Variants in ZSWIM6 observed in about 807,000 individuals in gnomAD.
The protein encoded by ZSWIM6 is zinc finger SWIM-type containing 6.
ZSWIM6 carries 9 observed loss-of-function variants against 113.2 expected under a neutral mutation model. The observed-to-expected ratio is 0.08, with a 90% CI of 0.05 to 0.14. The LOEUF (loss-of-function observed/expected upper bound fraction) is 0.14. Among genes scored for constraint, ZSWIM6 ranks in the 10% least tolerant of loss-of-function variants. ZSWIM6 has a pLI of 1.00. For missense variants in ZSWIM6, 1,162 were observed against 1,552.2 expected (o/e 0.75, Z 4.22); for synonymous variants, 611 against 606.5 (o/e 1.01, Z -0.11).
Position 61,332,871 on chromosome 5 carries a change from G to A in ZSWIM6, c.599G>A (p.Gly200Asp). The A allele has an allele frequency of 7.9e-7, 1 of 1,267,654 alleles. No individual in the cohort carries two copies. Among genetic ancestry groups the A allele is most frequent in the South Asian group, 1.9e-5 (1 of 53,886 alleles). 78.5% of individuals were successfully genotyped at this position (1,267,654 alleles called of 1,614,324 possible). A position where few individuals can be genotyped will look rare whatever the true frequency, so the allele number is the denominator to read the frequency against. The change falls in exon 1 of 14, where the codon GGC becomes GAC. Residue 200 changes from glycine to aspartate, a missense_variant. By Grantham distance (94) the Gly-to-Asp change is moderately conservative. This residue lies in a region of ZSWIM6 where 333 missense variants were observed against 293.4 expected (regional missense o/e 1.13). Coordinates refer to ENST00000252744, the MANE Select transcript of ZSWIM6 (RefSeq NM_020928.2). ...SVGAAGAADG[G>D]DETRLPFRRG... ...GGGGCTGCCGGGGCGGCGGACGGCG[G>A]CGACGAGACGCGGCTGCCTTTCCGC...
chr5:61,539,611 T>C lies in ZSWIM6; in HGVS notation c.2555T>C (p.Leu852Pro). Residue 852 changes from leucine to proline, a missense_variant, in exon 12 of 14, where the codon CTG becomes CCG. Transcript: ENST00000252744. ...TTCATTGCAGGCGATGTTCGGAGGC[T>C]GGAAACAGTATTAGAATCCATCCAG... ...LTAAKGDVRRLETVLESIQKN... is the reference protein window; with the variant it reads ...LTAAKGDVRRPETVLESIQKN... 1.9e-6 allele frequency: 3 copies of C among 1,551,576 alleles called. No individual in the cohort carries two copies. Among genetic ancestry groups the C allele is most frequent in the Non-Finnish European group, 2.6e-6 (3 of 1,146,814 alleles).
intron 4 of ZSWIM6, among the ~76,000 whole-genome samples, chr5:61,518,801 C>A (rs1749033735): frequency 6.6e-6 from 1 of 152,036 alleles, no homozygotes; most frequent in South Asian, 2.1e-4. Context: ...AATTAGATCC[C>A]ATTTGTCAAT....
chr5:61,370,506 A>G (rs1745243231), intron 1 of ZSWIM6, among the ~76,000 whole-genome samples: 1 of 152,270 alleles, frequency 6.6e-6, no homozygotes, highest in Non-Finnish European at 1.5e-5. Context: ...AGTTATGTGT[A>G]AACATAAATA....
At chr5:61,355,454 ACACACACACACACAC>A (rs1744882183) in intron 1 of ZSWIM6, among the ~76,000 whole-genome samples, 1 of 110,210 alleles carries the variant, frequency 9.1e-6, no homozygotes, top group South Asian at 3.0e-4. Context: ...ACACACACAC[ACACACACACACACAC>A]ACACACACAC....
At chr5:61,389,138 T>G (rs951886251) in intron 1 of ZSWIM6, among the ~76,000 whole-genome samples, 3 of 152,162 alleles carry the variant, frequency 2.0e-5, no homozygotes, top group African/African-American at 7.2e-5. Context: ...TCTGTAGGGC[T>G]TCCTCTCATC....
At chr5:61,434,446 C>T (rs147293305) in intron 1 of ZSWIM6, among the ~76,000 whole-genome samples, 2 of 150,120 alleles carry the variant, frequency 1.3e-5, no homozygotes, top group Non-Finnish European at 3.0e-5. Context: ...CCTCACCCCC[C>T]TTTCACCTTT....
At chr5:61,417,181 C>T (rs1172117177) in intron 1 of ZSWIM6, among the ~76,000 whole-genome samples, 1 of 152,074 alleles carries the variant, frequency 6.6e-6, no homozygotes, top group African/African-American at 2.4e-5. Context: ...TTGTTAGCAT[C>T]TGCCTGTAGA....
At chr5:61,464,594 A>G (rs569314083) in intron 1 of ZSWIM6, among the ~76,000 whole-genome samples, 1 of 152,214 alleles carries the variant, frequency 6.6e-6, no homozygotes, top group East Asian at 1.9e-4. Flanking sequence ...GTGAGGACTC[A>G]TGTTGGGGTG....
chr5:61,375,575 A>C, intron 1 of ZSWIM6: 1 of 1,530,288 alleles, frequency 6.5e-7, no homozygotes, highest in Non-Finnish European at 8.9e-7. Flanking sequence ...TCAGACAGTA[A>C]GGATAGTTTA....
intron 1 of ZSWIM6, among the ~76,000 whole-genome samples, chr5:61,352,209 G>A (rs577350421): frequency 6.6e-6 from 1 of 152,242 alleles, no homozygotes; most frequent in Non-Finnish European, 1.5e-5. Context: ...TGTCATCTTG[G>A]CTCAGAGAAA....
At chr5:61,407,592 T>C (rs912401054) in intron 1 of ZSWIM6, among the ~76,000 whole-genome samples, 3 of 152,188 alleles carry the variant, frequency 2.0e-5, no homozygotes, top group Non-Finnish European at 4.4e-5. Flanking sequence ...CAAAGTGTCA[T>C]ACACAAAACA....
chr5:61,390,405 C>A (rs1434907121), intron 1 of ZSWIM6, among the ~76,000 whole-genome samples: 1 of 152,126 alleles, frequency 6.6e-6, no homozygotes, highest in African/African-American at 2.4e-5. Flanking sequence ...ATACCTTATT[C>A]CTCCAGTATT....
chr5:61,462,049 G>T (rs1289451190), intron 1 of ZSWIM6, among the ~76,000 whole-genome samples: 1 of 152,232 alleles, frequency 6.6e-6, no homozygotes, highest in Non-Finnish European at 1.5e-5. Flanking sequence ...TAAGGGAAAT[G>T]ACAGTAACTT....
chr5:61,445,989 T>G (rs1451687736), intron 1 of ZSWIM6, among the ~76,000 whole-genome samples: 1 of 152,218 alleles, frequency 6.6e-6, no homozygotes, highest in African/African-American at 2.4e-5. Context: ...AGTACTTTAG[T>G]GCTAGTACTA....
At chr5:61,451,800 C>G (rs1307508130) in intron 1 of ZSWIM6, among the ~76,000 whole-genome samples, 1 of 151,958 alleles carries the variant, frequency 6.6e-6, no homozygotes, top group Non-Finnish European at 1.5e-5. Context: ...ATGTAACCTT[C>G]TAAGTTTGGA....
intron 1 of ZSWIM6, among the ~76,000 whole-genome samples, chr5:61,467,105 T>C (rs1747451859): frequency 6.6e-6 from 1 of 152,230 alleles, no homozygotes; most frequent in Non-Finnish European, 1.5e-5. Flanking sequence ...CTTCCGCCTG[T>C]TGGCAGTGCA....
At chr5:61,374,074 G>A (rs1745320290) in intron 1 of ZSWIM6, among the ~76,000 whole-genome samples, 1 of 152,070 alleles carries the variant, frequency 6.6e-6, no homozygotes, top group Admixed American at 6.5e-5. Flanking sequence ...TATACATGTG[G>A]TAATAATTCT....
chr5:61,463,888 C>A (rs1046593344), intron 1 of ZSWIM6, among the ~76,000 whole-genome samples: 2 of 152,118 alleles, frequency 1.3e-5, no homozygotes, highest in African/African-American at 4.8e-5. Context: ...TGTGCTGGAT[C>A]CTTGGGCTAC....
intron 1 of ZSWIM6, among the ~76,000 whole-genome samples, chr5:61,418,997 T>G (rs890390606): frequency 6.6e-6 from 1 of 152,206 alleles, no homozygotes; most frequent in African/African-American, 2.4e-5. Context: ...AATTTTTGTG[T>G]TTTTAGTAGA....
Sources: gnomAD v4.1 joint callset for allele counts (sites outside exome capture counted in the v4.1 genomes callset) on GRCh38, gnomAD v4.1.1 for gene constraint, gnomAD v4.1.1 regional missense constraint, MANE v1.5 for transcripts, NCBI Gene and HGNC (gene_info 2026-07-23, HGNC 2026-07-21) for gene names.